Variants in ANGPT4 observed in about 807,000 individuals in gnomAD.
The protein encoded by ANGPT4 is angiopoietin-4.
Under a neutral mutation model 53.0 loss-of-function variants are expected in ANGPT4, and 50 were observed. The ratio of observed to expected loss-of-function variants is 0.94; its 90% CI spans 0.75 to 1.20. The LOEUF is 1.20. ANGPT4 is among the 50% of genes most tolerant of loss of function. The pLI is 0.00. For synonymous variants in ANGPT4, 251 were observed against 259.7 expected, an observed-to-expected ratio of 0.97 and a Z score of 0.32; for missense variants, 648 against 637.1, an observed-to-expected ratio of 1.02 and a Z score of -0.18.
chr20:876,834 A>G (rs975859810), intron 7 of ANGPT4, among the ~76,000 whole-genome samples: 1 of 152,174 alleles, frequency 6.6e-6, no homozygotes, highest in African/African-American at 2.4e-5. Context: ...TATGGATCCC[A>G]TAAGGAGGGA....
chr20:915,625 G>A (rs73892544), intron 1 of ANGPT4, among the ~76,000 whole-genome samples: 17,944 of 152,024 alleles, frequency 0.12, 1,576 homozygotes, highest in African/African-American at 0.24. Flanking sequence ...CTATACTGTC[G>A]TATCCCCAGC....
chr20:897,895 C>T (rs1443781639), intron 1 of ANGPT4, among the ~76,000 whole-genome samples: 1 of 152,172 alleles, frequency 6.6e-6, no homozygotes, highest in African/African-American at 2.4e-5. Flanking sequence ...TACTGCTAGG[C>T]CCCAGTACAA....
In ANGPT4 at chr20:914,755, C is replaced by T. The variant is rs1204910912; in HGVS notation, c.309+1151G>A. Among the ~76,000 whole-genome samples the T allele has an allele frequency of 2.0e-5, 3 of 152,100 alleles. No individual in the cohort carries two copies. Among genetic ancestry groups the T allele is most frequent in the African/African-American group, 4.8e-5 (2 of 41,394 alleles). On this transcript the variant is annotated intron_variant, in intron 1 of 8. Transcript: ENST00000381922. This position sits in a 1 kb window ranked among gnomAD's most constrained non-coding sequence, Gnocchi z 5.0. ...GGACTCTGAAGAGTCCCATCTCAGA[C>T]CCCCCAGGATGTCTCCTGTACCCTC...
chr20:890,109 C>G (rs1440969521), intron 2 of ANGPT4, 104 bp downstream of exon 2: 5 of 1,423,260 alleles, frequency 3.5e-6, no homozygotes, highest in Non-Finnish European at 4.8e-6. Context: ...CCAGAGGAGG[C>G]CTTGACCCTA....
At chr20:891,875 C>T (rs1230837456) in intron 1 of ANGPT4, among the ~76,000 whole-genome samples, 1 of 152,208 alleles carries the variant, frequency 6.6e-6, no homozygotes, top group Non-Finnish European at 1.5e-5. Flanking sequence ...CTTCCGTCAG[C>T]ATCAGCTGAG....
rs755197109 is a variant in ANGPT4, at chr20:878,333, G to A, written c.1054-6C>T. Reference sequence around the variant, plus strand: ...CCAGCTGGGTCTCCGAAGCCCTATAGGGAGGGGAGCGTGGGGTGAGACTCA... The same window carrying A: ...CCAGCTGGGTCTCCGAAGCCCTATAAGGAGGGGAGCGTGGGGTGAGACTCA... On this transcript the variant is annotated splice_region_variant and splice_polypyrimidine_tract_variant and intron_variant, in intron 6 of 8. Coordinates refer to ENST00000381922, the MANE Select transcript of ANGPT4 (RefSeq NM_015985.4). 34 of 1,594,038 alleles carry A rather than the reference G, an allele frequency of 2.1e-5. No homozygotes were observed. The Admixed American group carries it at 3.5e-4, about 17-fold the overall frequency.
chr20:888,580 A>G (rs954713847), intron 2 of ANGPT4, 141 bp from the exon 3 acceptor site: 5 of 1,372,834 alleles, frequency 3.6e-6, no homozygotes, highest in Non-Finnish European at 4.8e-6. Flanking sequence ...GTGGTTACTC[A>G]CTCACAGGCC....
intron 7 of ANGPT4, among the ~76,000 whole-genome samples, chr20:877,174 G>C (rs972033554): frequency 6.6e-6 from 1 of 152,252 alleles, no homozygotes; most frequent in Non-Finnish European, 1.5e-5. Flanking sequence ...CAGGAGGACA[G>C]AGAGTCATTC....
At chr20:885,383 C>T (rs530585551) in intron 3 of ANGPT4, 58 bp from the exon 4 acceptor site, 2 of 1,457,806 alleles carry the variant, frequency 1.4e-6, no homozygotes, top group Admixed American at 2.5e-5. Context: ...CACGCACCCC[C>T]GCGCGCCTCC....
intron 1 of ANGPT4, among the ~76,000 whole-genome samples, chr20:898,913 T>C (rs1443184181): frequency 6.6e-6 from 1 of 152,088 alleles, no homozygotes; most frequent in Non-Finnish European, 1.5e-5. Flanking sequence ...CCACTGGAAA[T>C]CCAACTGTCC....
chr20:886,509 A>C (rs1369006172), intron 3 of ANGPT4, among the ~76,000 whole-genome samples: 2 of 152,240 alleles, frequency 1.3e-5, no homozygotes, highest in African/African-American at 2.4e-5. Flanking sequence ...ATGCTCCAAA[A>C]TGTATGATGG....
At chr20:909,836 A>G (rs1338359429) in intron 1 of ANGPT4, among the ~76,000 whole-genome samples, 1 of 152,116 alleles carries the variant, frequency 6.6e-6, no homozygotes, top group African/African-American at 2.4e-5. Flanking sequence ...TGGGGTGTGT[A>G]ATTGTGGGGA....
At position 885,230 on chromosome 20, in the gene ANGPT4, C is replaced by G. The variant is rs1280293921; in HGVS notation, c.683G>C (p.Ser228Thr). 6.3e-7 allele frequency: 1 copy of G among 1,587,684 alleles called. No homozygotes were observed. The highest frequency in any genetic ancestry group is 8.6e-7 in the Non-Finnish European group (1 of 1,166,918). ...SKKAKLLNTL[S>T]RQSAALTNIE... ...GTTGGTGAGGGCGGCGCTCTGGCGG[C>G]TCAGCGTGTTCAGCAGCTTCGCCTT... Residue 228 changes from serine (S) to threonine (T), a missense_variant, in exon 4 of 9, where the codon AGC (serine) becomes ACC (threonine). By Grantham distance (58) the Ser-to-Thr change is moderately conservative. Coordinates refer to ENST00000381922, the MANE Select transcript of ANGPT4 (RefSeq NM_015985.4).
chr20:913,495 T>A (rs1471793591), intron 1 of ANGPT4, among the ~76,000 whole-genome samples: 1 of 152,232 alleles, frequency 6.6e-6, no homozygotes, highest in Admixed American at 6.5e-5. Flanking sequence ...GTGACCTGAC[T>A]GACCCTAGCT....
At position 913,886 on chromosome 20, in the gene ANGPT4, G is replaced by A. The variant is rs554240230; in HGVS notation, c.309+2020C>T. Among the ~76,000 whole-genome samples the A allele has an allele frequency of 2.8e-4, 42 of 152,342 alleles. No individual in the cohort carries two copies. In the East Asian group the frequency reaches 7.5e-3, roughly 27 times the overall value. On this transcript the variant is annotated intron_variant, in intron 1 of 8. Transcript: ENST00000381922. ...GGTGGTGTCACCCTAAACAGAGACA[G>A]ACAGGCAGGAGGAGGGTGTTTGGAG...
chr20:905,776 A>G (rs1049418176), intron 1 of ANGPT4, among the ~76,000 whole-genome samples: 1 of 152,230 alleles, frequency 6.6e-6, no homozygotes, highest in Non-Finnish European at 1.5e-5. Context: ...AGCTACCAGA[A>G]CAGGCCAGGC....
chr20:880,395 G>A (rs1463160592), intron 5 of ANGPT4, among the ~76,000 whole-genome samples: 1 of 152,070 alleles, frequency 6.6e-6, no homozygotes, highest in Non-Finnish European at 1.5e-5. Context: ...GACCAGCCTG[G>A]GAAACACAGG....
intron 7 of ANGPT4, among the ~76,000 whole-genome samples, chr20:875,362 C>G (rs1240163229): frequency 6.6e-6 from 1 of 152,208 alleles, no homozygotes; most frequent in Non-Finnish European, 1.5e-5. Context: ...TGGATCTGGG[C>G]TCCAGGGCAC....
chr20:913,473 C>T (rs951205497), intron 1 of ANGPT4, among the ~76,000 whole-genome samples: 24 of 152,304 alleles, frequency 1.6e-4, no homozygotes, highest in Middle Eastern at 6.8e-3. Flanking sequence ...TTAGGCCCTA[C>T]GGCACTCTAC....
Sources: allele counts gnomAD v4.1 joint callset (sites outside exome capture counted in the v4.1 genomes callset), GRCh38; gene constraint gnomAD v4.1.1; non-coding constraint Gnocchi (gnomAD v3.1); transcripts MANE v1.5; gene names NCBI Gene and HGNC (gene_info 2026-07-23, HGNC 2026-07-21).